TEX11: variants seen among roughly 807,000 people sequenced by gnomAD.
TEX11 encodes the protein testis-expressed protein 11.
TEX11 carries 7 observed loss-of-function variants against 84.4 expected under a neutral mutation model. That is an observed-to-expected ratio of 0.08 (90% CI 0.05 to 0.16). TEX11 has a LOEUF of 0.16. Among genes scored for constraint, TEX11 ranks in the 10% least tolerant of loss-of-function variants. The pLI, the probability that TEX11 is intolerant of heterozygous loss-of-function variation, is 1.00. For missense variants in TEX11, 551 were observed against 660.5 expected, an observed-to-expected ratio of 0.83 and a Z score of 1.82; for synonymous variants, 264 against 222.8, an observed-to-expected ratio of 1.18 and a Z score of -1.64.
chrX:70,638,605 G>C (rs1449202055), intron 17 of TEX11, among the ~76,000 whole-genome samples: 1 of 110,195 alleles, frequency 9.1e-6, no homozygotes, highest in Non-Finnish European at 1.9e-5. Flanking sequence ...TTTGAGACCA[G>C]CCTGGCCAAT....
At chrX:70,677,787 ACTTT>A (rs1205432541) in intron 15 of TEX11, among the ~76,000 whole-genome samples, 1 of 95,399 alleles carries the variant, frequency 1.0e-5, no homozygotes, top group Non-Finnish European at 2.1e-5. Context: ...TGTAATGCTC[ACTTT>A]CTTTCTTTCT....
At chrX:70,590,016 C>T (rs182435533) in intron 25 of TEX11, among the ~76,000 whole-genome samples, 3 of 111,848 alleles carry the variant, frequency 2.7e-5, no homozygotes, top group South Asian at 3.7e-4. Flanking sequence ...TGTGATCAGA[C>T]GATGTTGTCT....
At chrX:70,727,494 G>A (rs1359844635) in intron 11 of TEX11, among the ~76,000 whole-genome samples, 2 of 111,969 alleles carry the variant, frequency 1.8e-5, no homozygotes, top group African/African-American at 6.5e-5. Context: ...TTACCCATAG[G>A]CATCCTCCTC....
chrX:70,566,718 A>G (rs1287769653), intron 25 of TEX11, among the ~76,000 whole-genome samples: 3 of 111,336 alleles, frequency 2.7e-5, no homozygotes, highest in East Asian at 2.8e-4. Context: ...ATTGATTTGC[A>G]TATATTGAAC....
intron 17 of TEX11, among the ~76,000 whole-genome samples, chrX:70,639,364 G>C (rs2089618559): frequency 8.9e-6 from 1 of 112,032 alleles, no homozygotes; most frequent in African/African-American, 3.2e-5. Context: ...CATTGCCCAG[G>C]CTTGCTTAGG....
chrX:70,621,551 A>AATATATATATATAT (rs1555999800), intron 20 of TEX11, among the ~76,000 whole-genome samples: 1 of 7,815 alleles, frequency 1.3e-4, no homozygotes, highest in Non-Finnish European at 2.4e-4. Flanking sequence ...AAAAAAAAAA[A>AATATATATATATAT]ATATATATAT....
At chrX:70,723,788 C>T (rs1239610377) in intron 12 of TEX11, among the ~76,000 whole-genome samples, 1 of 108,098 alleles carries the variant, frequency 9.3e-6, no homozygotes, top group South Asian at 3.8e-4. Context: ...AATCTTTCTA[C>T]TACAAAAAAT....
intron 16 of TEX11, among the ~76,000 whole-genome samples, chrX:70,659,301 T>C (rs2089903500): frequency 8.9e-6 from 1 of 112,351 alleles, no homozygotes. Flanking sequence ...TTGCTAATCA[T>C]ATTTTGGTAA....
At chrX:70,841,241 C>A (rs1242968900) in intron 7 of TEX11, among the ~76,000 whole-genome samples, 1 of 110,119 alleles carries the variant, frequency 9.1e-6, no homozygotes, top group Non-Finnish European at 1.9e-5. Context: ...TAAAGCACTC[C>A]TCAGCAAATG....
intron 24 of TEX11, among the ~76,000 whole-genome samples, chrX:70,596,154 T>C (rs1026347283): frequency 1.8e-5 from 2 of 111,654 alleles, no homozygotes; most frequent in Non-Finnish European, 3.8e-5. Context: ...CTGGGTAGAA[T>C]TGAAGAAAGA....
intron 2 of TEX11, among the ~76,000 whole-genome samples, chrX:70,882,394 T>C (rs951345004): frequency 2.7e-5 from 3 of 111,118 alleles, no homozygotes; most frequent in African/African-American, 9.8e-5. Flanking sequence ...CTTGGCTCAC[T>C]GCAATCTCCG....
intron 25 of TEX11, among the ~76,000 whole-genome samples, chrX:70,568,694 C>G (rs1027218334): frequency 1.8e-5 from 2 of 111,278 alleles, no homozygotes; most frequent in East Asian, 2.8e-4. Context: ...TGAAATTCTG[C>G]ATTGAAAATT....
chrX:70,840,678 G>T (rs1023037542), intron 7 of TEX11, among the ~76,000 whole-genome samples: 1 of 111,319 alleles, frequency 9.0e-6, no homozygotes, highest in Admixed American at 9.6e-5. Context: ...AAAAGACACA[G>T]ACTGGCAAAT....
intron 9 of TEX11, among the ~76,000 whole-genome samples, chrX:70,786,927 G>A (rs761904044): frequency 9.0e-6 from 1 of 111,392 alleles, no homozygotes; most frequent in South Asian, 3.9e-4. Flanking sequence ...CTGAGGTCAG[G>A]AGTTCGAAAC....
intron 11 of TEX11, among the ~76,000 whole-genome samples, chrX:70,736,879 A>T (rs2090699993): frequency 8.9e-6 from 1 of 111,989 alleles, no homozygotes; most frequent in Non-Finnish European, 1.9e-5. Flanking sequence ...TCACATGAAC[A>T]GCGGGATCAA....
intron 18 of TEX11, among the ~76,000 whole-genome samples, chrX:70,627,003 T>G (rs1455783015): frequency 1.8e-5 from 2 of 112,212 alleles, no homozygotes; most frequent in Non-Finnish European, 3.8e-5. Flanking sequence ...GGAAGCCAAC[T>G]GTGTTTCAAG....
intron 25 of TEX11, among the ~76,000 whole-genome samples, chrX:70,578,917 CCCA>C (rs1320014485): frequency 9.4e-6 from 1 of 106,710 alleles, no homozygotes; most frequent in African/African-American, 3.4e-5. Flanking sequence ...ATTACAGGCG[CCCA>C]CCACCACACC....
the TEX11 span, among the ~76,000 whole-genome samples, chrX:70,523,404 G>C: frequency 9.0e-6 from 1 of 111,666 alleles, no homozygotes. Context: ...CGCTAAACTG[G>C]TGTTTGTAAC....
chrX:70,527,641 G>A (rs749413652), downstream of TEX11, among the ~76,000 whole-genome samples: 3 of 108,985 alleles, frequency 2.8e-5, no homozygotes, highest in Non-Finnish European at 3.8e-5. Flanking sequence ...ATTTGAATGC[G>A]GTCTGTGGAT....
Sources: gnomAD v4.1 joint callset for allele counts (sites outside exome capture counted in the v4.1 genomes callset) on GRCh38, gnomAD v4.1.1 for gene constraint, MANE v1.5 for transcripts, NCBI Gene and HGNC (gene_info 2026-07-23, HGNC 2026-07-21) for gene names.